Variants in MTA3 observed in about 807,000 individuals in gnomAD.
MTA3 encodes metastasis associated 1 family member 3.
Under a neutral mutation model 83.5 loss-of-function variants are expected in MTA3, and 34 were observed. The ratio of observed to expected loss-of-function variants is 0.41; its 90% confidence interval spans 0.31 to 0.54. The LOEUF is 0.54. MTA3 is among the 20% of genes least tolerant of loss of function. The probability of loss-of-function intolerance (pLI) is 0.33; values close to 1 mark genes in which losing one functional copy is unlikely to be tolerated. For missense variants in MTA3, 761 were observed against 726.4 expected, an observed-to-expected ratio of 1.05 and a Z score of -0.55; for synonymous variants, 303 against 252.7, an observed-to-expected ratio of 1.20 and a Z score of -1.89.
intron 6 of MTA3, among the ~76,000 whole-genome samples, chr2:42,646,450 C>G (rs7570659): frequency 0.35 from 52,488 of 152,072 alleles, 9,506 homozygotes; most frequent in South Asian, 0.46. Flanking sequence ...AAAGAATTCT[C>G]CGTTCTAGAT....
At chr2:42,516,865 C>G (rs1211185459) in intron 2 of MTA3, among the ~76,000 whole-genome samples, 13 of 152,146 alleles carry the variant, frequency 8.5e-5, no homozygotes, top group Admixed American at 2.6e-4. Context: ...CTGCTCATGC[C>G]TGTCGTCACA....
chr2:42,530,063 T>C (rs1436949701), intron 2 of MTA3, among the ~76,000 whole-genome samples: 1 of 151,492 alleles, frequency 6.6e-6, no homozygotes, highest in East Asian at 1.9e-4. Flanking sequence ...TGGGCGCCTG[T>C]AATCCCAGCT....
chr2:42,664,569 G>A (rs116111554), intron 8 of MTA3, among the ~76,000 whole-genome samples: 1,752 of 141,664 alleles, frequency 0.012, 17 homozygotes, highest in Non-Finnish European at 0.019. Flanking sequence ...TGCTTCCTGG[G>A]TTCAAGTGTT....
intron 14 of MTA3, chr2:42,709,462 A>G (rs922444815): frequency 2.7e-5 from 8 of 301,586 alleles, no homozygotes; most frequent in Non-Finnish European, 2.3e-5. Context: ...ATGCTGTTAT[A>G]ATGAGACTCC....
In MTA3 at chr2:42,525,639, T is replaced by C. The variant is rs1420778133; in HGVS notation, c.-141+30385T>C. ...CCTTCCTTCCTACTTTCTTTCTTTC[T>C]TTCTTTCTTTTTTTCCTTCTTTCTT... On this transcript the variant is annotated intron_variant, in intron 2 of 17. Coordinates refer to the MTA3 transcript ENST00000405592. Among the ~76,000 whole-genome samples the C allele has an allele frequency of 3.0e-3, 344 of 114,746 alleles. 5 individuals are homozygous for C. The East Asian group carries it at 0.06, about 20-fold the overall frequency. 75.3% of individuals were successfully genotyped at this position (114,746 alleles called of 152,430 possible). A position where few individuals can be genotyped will look rare whatever the true frequency, so the allele number is the denominator to read the frequency against.
chr2:42,558,120 C>A (rs1031795345), intron 2 of MTA3, among the ~76,000 whole-genome samples: 7 of 152,014 alleles, frequency 4.6e-5, no homozygotes, highest in Non-Finnish European at 1.0e-4. Context: ...GGGACCGGTA[C>A]TTCCCTGACA....
At chr2:42,515,027 T>C (rs1170552805) in intron 2 of MTA3, among the ~76,000 whole-genome samples, 1 of 151,592 alleles carries the variant, frequency 6.6e-6, no homozygotes, top group African/African-American at 2.4e-5. Flanking sequence ...TGTATGCCTG[T>C]GTTTATTTTA....
chr2:42,734,470 CTTTTTT>C (rs3040123), intron 16 of MTA3, among the ~76,000 whole-genome samples: 60 of 82,454 alleles, frequency 7.3e-4, no homozygotes, highest in African/African-American at 2.6e-3. Context: ...ATCACGGGGC[CTTTTTT>C]TTTTTTTTTT....
intron 4 of MTA3, among the ~76,000 whole-genome samples, chr2:42,630,427 C>G (rs181319042): frequency 2.0e-5 from 3 of 152,276 alleles, no homozygotes; most frequent in Non-Finnish European, 4.4e-5. Context: ...CCCAGGTCTT[C>G]AGTGTTTTAG....
At chr2:42,647,156 A>AAAAAAAAAAAACAG (rs1688282900) in intron 6 of MTA3, among the ~76,000 whole-genome samples, 1 of 27,816 alleles carries the variant, frequency 3.6e-5, no homozygotes, top group African/African-American at 1.9e-4. Flanking sequence ...GACTCTGTCT[A>AAAAAAAAAAAACAG]AAAAAAAAAA....
chr2:42,599,195 A>G (rs1289682653), intron 3 of MTA3, among the ~76,000 whole-genome samples: 1 of 152,140 alleles, frequency 6.6e-6, no homozygotes, highest in African/African-American at 2.4e-5. Context: ...TAAGACTTCT[A>G]TGAGTCTTTA....
chr2:42,602,332 T>C (rs1379230101), intron 3 of MTA3, among the ~76,000 whole-genome samples: 3 of 152,214 alleles, frequency 2.0e-5, no homozygotes, highest in Admixed American at 2.0e-4. Context: ...TTTTGGCTAC[T>C]GCAAATAAAG....
chr2:42,621,117 G>A (rs1249524096), intron 4 of MTA3, among the ~76,000 whole-genome samples: 2 of 85,908 alleles, frequency 2.3e-5, no homozygotes, highest in South Asian at 3.8e-4. Context: ...GTGAAACAAT[G>A]TTACTCTTAT....
chr2:42,682,679 A>T (rs1573604930), intron 9 of MTA3, 90 bp downstream of exon 9: 2 of 1,160,096 alleles, frequency 1.7e-6, no homozygotes, highest in Admixed American at 4.7e-5. Flanking sequence ...TCATTTAGCA[A>T]GTTTGTGAGT....
At chr2:42,727,384 A>G (rs1249745893) in intron 16 of MTA3, among the ~76,000 whole-genome samples, 1 of 152,094 alleles carries the variant, frequency 6.6e-6, no homozygotes, top group African/African-American at 2.4e-5. Context: ...GTATGCTGTC[A>G]TTGTGGTTTC....
intron 4 of MTA3, among the ~76,000 whole-genome samples, chr2:42,627,528 C>G (rs923723872): frequency 6.6e-6 from 1 of 151,712 alleles, no homozygotes; most frequent in African/African-American, 2.4e-5. Flanking sequence ...TCTAATGGCC[C>G]CCTCACATTC....
At chr2:42,706,073 A>G (rs987531171) in intron 12 of MTA3, among the ~76,000 whole-genome samples, 3 of 152,210 alleles carry the variant, frequency 2.0e-5, no homozygotes, top group Admixed American at 2.0e-4. Context: ...AAATAGATTC[A>G]TAGCTTAATG....
At chr2:42,705,713 C>G (rs1052560861) in intron 12 of MTA3, among the ~76,000 whole-genome samples, 1 of 151,700 alleles carries the variant, frequency 6.6e-6, no homozygotes, top group Non-Finnish European at 1.5e-5. Flanking sequence ...CTCCCCCCCG[C>G]CCCCAAAAAA....
At chr2:42,573,880 G>A (rs1219271119) in intron 2 of MTA3, among the ~76,000 whole-genome samples, 1 of 146,670 alleles carries the variant, frequency 6.8e-6, no homozygotes, top group Non-Finnish European at 1.5e-5. Context: ...GTGCAGTGGC[G>A]CAATCTCAGC....
Sources: allele counts gnomAD v4.1 joint callset (sites outside exome capture counted in the v4.1 genomes callset), GRCh38; gene constraint gnomAD v4.1.1; transcripts MANE v1.5; gene names NCBI Gene and HGNC (gene_info 2026-07-23, HGNC 2026-07-21).